RGS7: variants seen among roughly 807,000 people sequenced by gnomAD.
RGS7 encodes regulator of G-protein signaling 7.
A neutral mutation model predicts 81.1 loss-of-function variants in RGS7; 27 were observed. The ratio of observed to expected loss-of-function variants is 0.33; its 90% CI spans 0.25 to 0.46. The LOEUF (loss-of-function observed/expected upper bound fraction) is 0.46. Among genes scored for constraint, RGS7 ranks in the 20% least tolerant of loss-of-function variants. The pLI, the probability that RGS7 is intolerant of heterozygous loss-of-function variation, is 1.00. For synonymous variants in RGS7, 208 were observed against 207.7 expected, an observed-to-expected ratio of 1.00 and a Z score of -0.01; for missense variants, 396 against 607.4, an observed-to-expected ratio of 0.65 and a Z score of 3.66.
intron 2 of RGS7, among the ~76,000 whole-genome samples, chr1:241,172,546 TA>T (rs1030245849): frequency 4.6e-5 from 7 of 152,190 alleles, no homozygotes; most frequent in Admixed American, 4.6e-4. Context: ...AGTTTAAGGC[TA>T]GGGGGATAGC....
chr1:240,816,492 G>T, intron 10 of RGS7, 77 bp from the exon 11 acceptor site: 1 of 992,748 alleles, frequency 1.0e-6, no homozygotes, highest in Non-Finnish European at 1.6e-6. Flanking sequence ...AGTAACTCTA[G>T]CATAAATTCA....
rs190716240 is a variant in RGS7, at chr1:240,971,558, G to C, written c.226+11521C>G. 3.4e-3 allele frequency among the ~76,000 whole-genome samples: 523 copies of C among 152,252 alleles called. 2 individuals carry two copies. The highest frequency in any genetic ancestry group is 5.9e-3 in the Non-Finnish European group (401 of 68,014). ...GTAGCCAGGGTGTGGGATGAGAGCAGGTACCCAAAGATATGAGGACTTTGT... is the reference window on the plus strand; with the variant it reads ...GTAGCCAGGGTGTGGGATGAGAGCACGTACCCAAAGATATGAGGACTTTGT... On this transcript the variant is annotated intron_variant, in intron 4 of 18. Transcript: ENST00000440928.
intron 6 of RGS7, among the ~76,000 whole-genome samples, chr1:240,883,132 A>G (rs935004326): frequency 1.1e-4 from 14 of 124,266 alleles, no homozygotes; most frequent in African/African-American, 4.1e-4. Flanking sequence ...TTCTTAATCC[A>G]GTCTATCGTT....
chr1:241,023,680 C>T (rs556103578), intron 3 of RGS7, among the ~76,000 whole-genome samples: 50 of 152,316 alleles, frequency 3.3e-4, no homozygotes, highest in East Asian at 9.6e-4. Flanking sequence ...TAAATAACAT[C>T]TTCCTTGCCT....
chr1:241,171,975 A>T (rs1273515374), intron 2 of RGS7, among the ~76,000 whole-genome samples: 2 of 151,838 alleles, frequency 1.3e-5, no homozygotes, highest in African/African-American at 4.8e-5. Context: ...TGCTCTTCTT[A>T]AAAAATTCCA....
At chr1:241,299,038 C>T (rs1483923788) in intron 2 of RGS7, among the ~76,000 whole-genome samples, 1 of 152,194 alleles carries the variant, frequency 6.6e-6, no homozygotes, top group Non-Finnish European at 1.5e-5. Context: ...ACTGCATCCC[C>T]AGGGAAGCCC....
chr1:241,064,724 T>A (rs1391826592), intron 3 of RGS7, among the ~76,000 whole-genome samples: 10 of 147,954 alleles, frequency 6.8e-5, no homozygotes, highest in Non-Finnish European at 1.5e-4. Context: ...AGACCTCATT[T>A]AAAAAAAAAA....
At chr1:241,225,120 G>A (rs1365545208) in intron 2 of RGS7, among the ~76,000 whole-genome samples, 9 of 152,178 alleles carry the variant, frequency 5.9e-5, no homozygotes, top group South Asian at 2.1e-4. Flanking sequence ...CATTGTATCC[G>A]TTAAGTAATT....
At chr1:241,189,712 G>A (rs2072440616) in intron 2 of RGS7, among the ~76,000 whole-genome samples, 2 of 152,192 alleles carry the variant, frequency 1.3e-5, no homozygotes, top group Middle Eastern at 3.2e-3. Flanking sequence ...TACAAGGTGT[G>A]AGACTTGAGG....
intron 6 of RGS7, among the ~76,000 whole-genome samples, chr1:240,895,751 T>C (rs866897269): frequency 6.6e-6 from 1 of 152,238 alleles, no homozygotes; most frequent in Non-Finnish European, 1.5e-5. Context: ...TAAACGTACA[T>C]GTGCATGTGT....
intron 2 of RGS7, among the ~76,000 whole-genome samples, chr1:241,232,448 C>T (rs937486491): frequency 6.6e-6 from 1 of 152,034 alleles, no homozygotes; most frequent in African/African-American, 2.4e-5. Flanking sequence ...TTCAAGCAAT[C>T]CTCCTGTCTC....
rs866248816 is a variant in RGS7, at chr1:240,849,570, G to A, written c.609+19017C>T. Among the ~76,000 whole-genome samples, 13 of 152,322 alleles carry A rather than the reference G, an allele frequency of 8.5e-5. 1 individual carries two copies. Among genetic ancestry groups the A allele is most frequent in the Middle Eastern group, 3.4e-3 (1 of 294 alleles). On this transcript the variant is annotated intron_variant, in intron 9 of 18. Transcript: ENST00000440928. The stretch of plus-strand genomic sequence containing the variant: ...GTGTTGGAGGTGGGGTCTGGTGGGA[G>A]GTGTTTGGATCATGGGGGTGGATCC...
At chr1:240,897,091 T>C (rs1216419500) in intron 6 of RGS7, among the ~76,000 whole-genome samples, 1 of 152,214 alleles carries the variant, frequency 6.6e-6, no homozygotes, top group Non-Finnish European at 1.5e-5. Flanking sequence ...TGTCTGTTAT[T>C]GGTGTACAGG....
chr1:240,780,372 C>A (rs1021159030), intron 18 of RGS7, among the ~76,000 whole-genome samples: 2 of 129,906 alleles, frequency 1.5e-5, no homozygotes, highest in Non-Finnish European at 3.1e-5. Flanking sequence ...ATCTGGGAGG[C>A]GGAGGTTGCA....
intron 4 of RGS7, among the ~76,000 whole-genome samples, chr1:240,942,172 G>A (rs897325124): frequency 2.0e-5 from 3 of 152,212 alleles, no homozygotes; most frequent in East Asian, 3.9e-4. Context: ...CTCGGATAGC[G>A]AAGAGAATTC....
intron 2 of RGS7, among the ~76,000 whole-genome samples, chr1:241,328,700 A>G (rs1181854751): frequency 1.3e-5 from 2 of 152,136 alleles, no homozygotes; most frequent in Non-Finnish European, 2.9e-5. Context: ...AGGCATGGCT[A>G]CTATCTGGGA....
chr1:241,129,264 C>CAAA (rs369999096), intron 2 of RGS7, among the ~76,000 whole-genome samples: 2 of 145,674 alleles, frequency 1.4e-5, no homozygotes, highest in Non-Finnish European at 3.0e-5. Context: ...AACAAACAAA[C>CAAA]AAACAAAAAA....
chr1:241,110,700 T>TG (rs1340752528), intron 2 of RGS7, among the ~76,000 whole-genome samples: 2 of 151,740 alleles, frequency 1.3e-5, no homozygotes, highest in Non-Finnish European at 2.9e-5. Flanking sequence ...CACTCTTTTT[T>TG]TTTTTTTGAG....
chr1:241,332,106 C>T (rs1285109710), intron 2 of RGS7, among the ~76,000 whole-genome samples: 6 of 152,124 alleles, frequency 3.9e-5, no homozygotes, highest in Admixed American at 2.6e-4. Context: ...CCAAAGAGCA[C>T]CGTGTAGTTT....
Sources: gnomAD v4.1 joint callset for allele counts (sites outside exome capture counted in the v4.1 genomes callset) on GRCh38, gnomAD v4.1.1 for gene constraint, MANE v1.5 for transcripts, NCBI Gene and HGNC (gene_info 2026-07-23, HGNC 2026-07-21) for gene names.